CDK16: variants seen among roughly 807,000 people sequenced by gnomAD.
The protein encoded by CDK16 is cyclin-dependent kinase 16.
CDK16 carries 2 observed loss-of-function variants against 41.6 expected under a neutral mutation model. That is an observed-to-expected ratio of 0.05 (90% CI 0.02 to 0.15). CDK16 has a LOEUF of 0.15. CDK16 is among the 10% of genes least tolerant of loss of function. CDK16 has a pLI of 1.00. For missense variants in CDK16, 228 were observed against 428.9 expected (o/e 0.53, Z 4.14); for synonymous variants, 169 against 169.7 (o/e 1.00, Z 0.03).
At chrX:47,223,995 C>CCTGTCACAGCTGCCCCAAGGCTCCCT (rs1937465145) in intron 2 of CDK16, among the ~76,000 whole-genome samples, 1 of 111,291 alleles carries the variant, frequency 9.0e-6, no homozygotes, top group Non-Finnish European at 1.9e-5. Flanking sequence ...AGGTGCCTTG[C>CCTGTCACAGCTGCCCCAAGGCTCCCT]CTGTCACAGC....
Position 47,227,049 on chromosome X carries a change from A to C in CDK16, c.1191A>C (p.Thr397=). 8.2e-7 allele frequency: 1 copy of C among 1,212,195 alleles called. No homozygotes were observed. The highest frequency in any genetic ancestry group is 1.1e-6 in the Non-Finnish European group (1 of 895,540). Residue 397 remains threonine, a synonymous_variant, in exon 12 of 16, where the codon ACA becomes ACC. Coordinates refer to ENST00000357227, the MANE Select transcript of CDK16 (RefSeq NM_006201.5). The part of the protein sequence containing the change: ...PGILSNEEFK[T]YNYPKYRAEA... The stretch of plus-strand genomic sequence containing the variant: ...TCCTGTCCAACGAGGAGTTCAAGAC[A>C]TACAACTACCCCAAGTACCGAGCCG...
At chrX:47,219,306 A>G (rs1937229210) in intron 1 of CDK16, among the ~76,000 whole-genome samples, 2 of 108,379 alleles carry the variant, frequency 1.8e-5, no homozygotes, top group Non-Finnish European at 3.8e-5. Context: ...GGGGTTGGGT[A>G]GTGCTGTGGG....
upstream of CDK16, chrX:47,218,680 T>C (rs782598865): frequency 9.4e-6 from 11 of 1,165,111 alleles, no homozygotes; most frequent in South Asian, 1.1e-4. Context: ...TCCCCTCCTT[T>C]CCACTTCACC....
At chrX:47,227,513 A>C (rs754202559) in intron 14 of CDK16, 44 bp downstream of exon 14, 35 of 1,008,576 alleles carry the variant, frequency 3.5e-5, no homozygotes, top group Non-Finnish European at 4.6e-5. Flanking sequence ...GGGGACTGGG[A>C]AACAGGACTG....
Position 47,226,296 on chromosome X carries a change from G to A in CDK16, c.810G>A (p.Leu270=), listed in dbSNP as rs774548765. 12 of 1,208,290 alleles carry A rather than the reference G, an allele frequency of 9.9e-6. No individual in the cohort carries two copies. The East Asian group carries it at 3.6e-4, about 36-fold the overall frequency. The change falls in exon 9 of 16, where the codon CTG becomes CTA. Residue 270 remains leucine (L), a synonymous_variant. Transcript: ENST00000357227. Reference sequence around the variant, plus strand: ...GTCCCCAGCTGTTCCTGTTCCAGCTGCTCCGTGGCCTGGCCTACTGCCACC... The same window carrying A: ...GTCCCCAGCTGTTCCTGTTCCAGCTACTCCGTGGCCTGGCCTACTGCCACC... ...MHNVKLFLFQ[L]LRGLAYCHRQ...
chrX:47,223,858 C>CT, intron 2 of CDK16, 99 bp downstream of exon 2: 2 of 721,234 alleles, frequency 2.8e-6, no homozygotes, highest in South Asian at 5.0e-5. Flanking sequence ...ATTTTCTGCC[C>CT]TTTCTCTGCC....
intron 2 of CDK16, among the ~76,000 whole-genome samples, chrX:47,223,969 C>T (rs1157281409): frequency 2.7e-5 from 3 of 110,912 alleles, no homozygotes; most frequent in Non-Finnish European, 5.7e-5. Context: ...GCCCAGGCCC[C>T]GTGGTGGGGG....
Position 47,223,629 on chromosome X carries a change from C to G in CDK16, c.72C>G (p.Thr24=). 3 of 1,211,349 alleles carry G rather than the reference C, an allele frequency of 2.5e-6. No individual in the cohort carries two copies. The highest frequency in any genetic ancestry group is 3.4e-6 in the Non-Finnish European group (3 of 895,115). ...TLRGGRGIDK[T]NGAPEQIGLD... ...GAGGTGGCCGAGGCATAGACAAGAC[C>G]AATGGTGCCCCTGAGCAGATAGGCC... Residue 24 remains threonine (T), a synonymous_variant, in exon 2 of 16, where the codon ACC becomes ACG. Transcript: ENST00000357227.
In CDK16 at chrX:47,224,365, A is replaced by C; in HGVS notation, c.203-20A>C. The C allele has an allele frequency of 3.4e-6, 4 of 1,172,580 alleles. No individual in the cohort carries two copies. Among genetic ancestry groups the C allele is most frequent in the Non-Finnish European group, 4.6e-6 (4 of 875,143 alleles). On this transcript the variant is annotated intron_variant, in intron 2 of 15. Coordinates refer to ENST00000357227, the MANE Select transcript of CDK16 (RefSeq NM_006201.5). ...TTCCTGACCCCACCTGGCCTGCCCT[A>C]CCCCTCTCCCTGCCACCAGAGATTG... is the stretch of plus-strand genomic sequence containing the variant.
intron 8 of CDK16, 85 bp downstream of exon 8, chrX:47,226,112 C>T: frequency 8.8e-7 from 1 of 1,132,022 alleles, no homozygotes; most frequent in Non-Finnish European, 1.2e-6. Context: ...CGGACTTTTC[C>T]CTTTGGCTTT....
chrX:47,223,726 C>G lies in CDK16; in HGVS notation c.169C>G (p.Arg57Gly), dbSNP rs752502574. The G allele has an allele frequency of 1.7e-6, 2 of 1,208,698 alleles. No individual in the cohort carries two copies. Among genetic ancestry groups the G allele is most frequent in the Non-Finnish European group, 2.2e-6 (2 of 894,091 alleles). ...CACACGTGCTGCTCCTGGGGAACTT[C>G]GTTCTGCACGGGGCCCACTCAGCTC... Reference protein sequence around the residue: ...APTRAAPGELRSARGPLSSAP... With the variant: ...APTRAAPGELGSARGPLSSAP... Residue 57 changes from arginine to glycine, a missense_variant, in exon 2 of 16, where the codon CGT (arginine) becomes GGT (glycine). Transcript: ENST00000357227.
intron 6 of CDK16, 81 bp from the exon 7 acceptor site, chrX:47,225,691 C>T: frequency 1.4e-6 from 1 of 721,253 alleles, no homozygotes; most frequent in Non-Finnish European, 2.2e-6. Flanking sequence ...TGGGCTTGTC[C>T]CTTTCTAGTC....
chrX:47,218,392 C>CT, upstream of CDK16: 1 of 389,651 alleles, frequency 2.6e-6, no homozygotes, highest in Non-Finnish European at 4.4e-6. Flanking sequence ...CTTCATTTGT[C>CT]TTTTTTCCTC....
chrX:47,221,573 T>A (rs1251368835), intron 1 of CDK16, among the ~76,000 whole-genome samples: 1 of 111,052 alleles, frequency 9.0e-6, no homozygotes, highest in East Asian at 2.8e-4. Flanking sequence ...CAGCCCTACT[T>A]CCAGTCTCCC....
chrX:47,228,514 TCCTAGATGACCTCATGGGTCATCC>T, intron 14 of CDK16, 29 bp from the exon 15 acceptor site: 1 of 1,051,704 alleles, frequency 9.5e-7, no homozygotes, highest in South Asian at 1.9e-5. Flanking sequence ...ATGGGGCTGG[TCCTAGATGACCTCATGGGTCATCC>T]CCCACTTCTA....
chrX:47,226,598 A>G lies in CDK16; in HGVS notation c.932A>G (p.Lys311Arg). 8.3e-7 allele frequency: 1 copy of G among 1,211,141 alleles called. No individual in the cohort carries two copies. The highest frequency in any genetic ancestry group is 1.1e-6 in the Non-Finnish European group (1 of 895,034). The change falls in exon 10 of 16, where the codon AAG becomes AGG. Residue 311 changes from lysine (K) to arginine (R), a missense_variant. By Grantham distance (26) the Lys-to-Arg change is conservative (BLOSUM62 2). This residue lies in a region of CDK16 where 66 missense variants were observed against 197.2 expected (regional missense o/e 0.33). Coordinates refer to ENST00000357227, the MANE Select transcript of CDK16 (RefSeq NM_006201.5). ...TGATTTCCAGGCCTGGCCCGAGCCA[A>G]GTCAATCCCAACAAAGACATACTCC... ...KLADFGLARA[K>R]SIPTKTYSNE...
chrX:47,224,654 C>T lies in CDK16; in HGVS notation c.373C>T (p.Arg125Trp). ...GCGCCTATCACTACCAGCTGACATC[C>T]GGCTGCCTGAGGGCTACCTGGAGAA... Reference protein sequence around the residue: ...NKRLSLPADIRLPEGYLEKLT... With the variant: ...NKRLSLPADIWLPEGYLEKLT... Residue 125 changes from arginine to tryptophan, a missense_variant, in exon 4 of 16, where the codon CGG becomes TGG. This residue lies in a region of CDK16 where 66 missense variants were observed against 197.2 expected (regional missense o/e 0.33). Coordinates refer to ENST00000357227, the MANE Select transcript of CDK16 (RefSeq NM_006201.5). 8.3e-7 allele frequency: 1 copy of T among 1,211,564 alleles called. No homozygotes were observed. The highest frequency in any genetic ancestry group is 1.1e-6 in the Non-Finnish European group (1 of 895,405).
chrX:47,219,165 G>T (rs1937218761), intron 1 of CDK16, 60 bp downstream of exon 1: 1 of 777,537 alleles, frequency 1.3e-6, no homozygotes, highest in Non-Finnish European at 1.5e-6. Flanking sequence ...ACCTCGGGCG[G>T]TGCCCAGGGG....
chrX:47,229,080 C>T lies in CDK16; in HGVS notation c.*312C>T, dbSNP rs2055293796. 2.6e-6 allele frequency: 1 copy of T among 389,806 alleles called. No homozygotes were observed. Among genetic ancestry groups the T allele is most frequent in the Non-Finnish European group, 4.6e-6 (1 of 216,620 alleles). 32.1% of individuals were successfully genotyped at this position (389,806 alleles called of 1,213,427 possible). A position where few individuals can be genotyped will look rare whatever the true frequency, so the allele number is the denominator to read the frequency against. On this transcript the variant is annotated 3_prime_UTR_variant, in exon 16 of 16. Transcript: ENST00000357227. ...CACTGAGGCCAGGTCTACCCCCCAT[C>T]ATACCAGCCCCCAGGACCACTACCC...
Sources: allele counts gnomAD v4.1 joint callset (sites outside exome capture counted in the v4.1 genomes callset), GRCh38; gene constraint gnomAD v4.1.1; regional missense constraint gnomAD v4.1.1; transcripts MANE v1.5; gene names NCBI Gene and HGNC (gene_info 2026-07-23, HGNC 2026-07-21).